The following PRKAR1B variants were observed in gnomAD, a reference collection of about 807,000 sequenced individuals.
PRKAR1B encodes the protein cAMP-dependent protein kinase type I-beta regulatory subunit.
In PRKAR1B, 22 loss-of-function variants were observed where a neutral mutation model predicts 46.5. The observed-to-expected ratio is 0.47, with a 90% CI of 0.34 to 0.68. The LOEUF is 0.68. PRKAR1B is among the 30% of genes least tolerant of loss of function. The pLI is 0.01. For missense variants in PRKAR1B, 445 were observed against 535.6 expected (o/e 0.83, Z 1.67); for synonymous variants, 259 against 217.7 (o/e 1.19, Z -1.67).
Position 680,650 on chromosome 7 carries a change from G to T in PRKAR1B, c.254C>A (p.Thr85Asn), listed in dbSNP as rs770020244. ...SDSHDEEVSP[T>N]PPNPVVKARR... The stretch of plus-strand genomic sequence containing the variant: ...GGCCTTCACCACAGGGTTCGGGGGG[G>T]TGGGCGACACCTCCTCATCATGGGA... Residue 85 changes from threonine to asparagine, a missense_variant, in exon 3 of 11, where the codon ACC (threonine) becomes AAC (asparagine). Transcript: ENST00000537384. 4 of 1,613,220 alleles carry T rather than the reference G, an allele frequency of 2.5e-6. No homozygotes were observed. Among genetic ancestry groups the T allele is most frequent in the Non-Finnish European group, 3.4e-6 (4 of 1,179,812 alleles).
intron 2 of PRKAR1B, among the ~76,000 whole-genome samples, chr7:708,824 C>T (rs1780464345): frequency 6.7e-6 from 1 of 150,052 alleles, no homozygotes; most frequent in African/African-American, 2.5e-5. Context: ...ACGGAGTCTC[C>T]CTCTGTCGCC....
intron 4 of PRKAR1B, among the ~76,000 whole-genome samples, chr7:626,967 C>T (rs1172249705): frequency 2.0e-5 from 3 of 152,222 alleles, no homozygotes; most frequent in East Asian, 1.9e-4. Context: ...CTCCGCCTCC[C>T]GGGTTCAAGC....
intron 1 of PRKAR1B, among the ~76,000 whole-genome samples, chr7:718,801 C>G (rs1454304025): frequency 6.7e-6 from 1 of 149,586 alleles, no homozygotes; most frequent in East Asian, 2.0e-4. Flanking sequence ...GACCTTTTCT[C>G]TTACATACTT....
intron 4 of PRKAR1B, among the ~76,000 whole-genome samples, chr7:659,026 C>T (rs901031908): frequency 2.0e-5 from 3 of 152,106 alleles, no homozygotes; most frequent in African/African-American, 7.2e-5. Context: ...TCTCATGACA[C>T]CAGGCAAATA....
rs534899813 is a variant in PRKAR1B at position 550,066 on chromosome 7, G to T, written c.*364C>A. The T allele has an allele frequency of 4.3e-6, 1 of 233,660 alleles. No homozygotes were observed. The highest frequency in any genetic ancestry group is 2.3e-5 in the African/African-American group (1 of 42,902). 14.5% of individuals were successfully genotyped at this position (233,660 alleles called of 1,614,324 possible). On this transcript the variant is annotated 3_prime_UTR_variant, in exon 11 of 11. Coordinates refer to ENST00000537384, the MANE Select transcript of PRKAR1B (RefSeq NM_001164760.2). ...ACCTCACAGGGTCACCAGGCCCCAGGGGCAACGTCCTGGCCTGGTTCTGGG... is the reference window on the plus strand; with the variant it reads ...ACCTCACAGGGTCACCAGGCCCCAGTGGCAACGTCCTGGCCTGGTTCTGGG...
chr7:638,486 T>G (rs1353813624), intron 4 of PRKAR1B, among the ~76,000 whole-genome samples: 1 of 152,146 alleles, frequency 6.6e-6, no homozygotes, highest in African/African-American at 2.4e-5. Context: ...GGGTCTCTCC[T>G]AGACACATCA....
chr7:563,592 G>A (rs937845504), intron 9 of PRKAR1B, among the ~76,000 whole-genome samples: 2 of 152,082 alleles, frequency 1.3e-5, no homozygotes, highest in African/African-American at 4.8e-5. Context: ...GTGTATGGGT[G>A]TGTTATTGTG....
intron 4 of PRKAR1B, among the ~76,000 whole-genome samples, chr7:630,789 G>A (rs1208041044): frequency 6.6e-6 from 1 of 152,022 alleles, no homozygotes; most frequent in African/African-American, 2.4e-5. Context: ...CCAGTCAGGT[G>A]CAGGGATGGG....
Position 602,941 on chromosome 7 carries a change from G to A in PRKAR1B, c.549+3252C>T, listed in dbSNP as rs138366555. 4.7e-3 allele frequency among the ~76,000 whole-genome samples: 721 copies of A among 152,232 alleles called. 10 individuals are homozygous for A. Among genetic ancestry groups the A allele is most frequent in the African/African-American group, 0.016 (665 of 41,536 alleles). ...TCCCGAGTCCACGCGATCCTGACCC[G>A]TCCACCACCCTCCTCGAGACACGAC... is the stretch of plus-strand genomic sequence containing the variant. On this transcript the variant is annotated intron_variant, in intron 6 of 10. Coordinates refer to ENST00000537384, the MANE Select transcript of PRKAR1B (RefSeq NM_001164760.2). The surrounding 1 kb of genome is among the most constrained non-coding windows in gnomAD (Gnocchi z 6.4).
At chr7:558,359 A>G (rs999534381) in intron 9 of PRKAR1B, among the ~76,000 whole-genome samples, 3 of 149,468 alleles carry the variant, frequency 2.0e-5, no homozygotes, top group African/African-American at 4.9e-5. Context: ...GAAGGAGGAG[A>G]AGGAGGAGGA....
At chr7:720,832 T>C (rs1359975737) in intron 1 of PRKAR1B, among the ~76,000 whole-genome samples, 1 of 152,244 alleles carries the variant, frequency 6.6e-6, no homozygotes, top group Non-Finnish European at 1.5e-5. Context: ...GTGCCTATGT[T>C]ATTATGTTTG....
intron 4 of PRKAR1B, among the ~76,000 whole-genome samples, chr7:649,032 C>T (rs754835047): frequency 9.5e-4 from 145 of 151,870 alleles, no homozygotes; most frequent in Middle Eastern, 6.8e-3. Context: ...GGCATGGTGG[C>T]GGGTACCTGT....
At chr7:637,246 C>T (rs868107933) in intron 4 of PRKAR1B, among the ~76,000 whole-genome samples, 1 of 152,112 alleles carries the variant, frequency 6.6e-6, no homozygotes, top group South Asian at 2.1e-4. Context: ...GGTGAAATCC[C>T]GTCTCTAACT....
intron 7 of PRKAR1B, among the ~76,000 whole-genome samples, chr7:592,679 G>T (rs190880589): frequency 6.6e-6 from 1 of 152,218 alleles, no homozygotes; most frequent in Non-Finnish European, 1.5e-5. Flanking sequence ...GCTTCCAAAC[G>T]CTGAGGTCCT....
intron 9 of PRKAR1B, among the ~76,000 whole-genome samples, chr7:577,304 C>G (rs1779912589): frequency 6.6e-6 from 1 of 152,222 alleles, no homozygotes; most frequent in African/African-American, 2.4e-5. Flanking sequence ...CCTTCTGGAC[C>G]CAAAATGATC....
chr7:627,769 C>A (rs897935700), intron 4 of PRKAR1B, among the ~76,000 whole-genome samples: 1 of 117,390 alleles, frequency 8.5e-6, no homozygotes, highest in African/African-American at 2.9e-5. Flanking sequence ...GGTGAGCACC[C>A]GCCACTCAGG....
chr7:662,484 C>A (rs546331928), intron 4 of PRKAR1B, among the ~76,000 whole-genome samples: 5 of 138,966 alleles, frequency 3.6e-5, no homozygotes, highest in African/African-American at 1.4e-4. Flanking sequence ...AATACCTACT[C>A]TCCCCCCCAT....
chr7:651,409 C>T (rs1038497391), intron 4 of PRKAR1B, among the ~76,000 whole-genome samples: 23 of 152,244 alleles, frequency 1.5e-4, no homozygotes, highest in Non-Finnish European at 3.2e-4. Context: ...AGCTCTTCCA[C>T]GAGGCTTTAG....
At chr7:698,909 C>CGCA (rs915745459) in intron 2 of PRKAR1B, among the ~76,000 whole-genome samples, 1 of 152,212 alleles carries the variant, frequency 6.6e-6, no homozygotes, top group Non-Finnish European at 1.5e-5. Flanking sequence ...CCTCTCCCCA[C>CGCA]GCAGCAGCAG....
Sources: allele counts gnomAD v4.1 joint callset (sites outside exome capture counted in the v4.1 genomes callset), GRCh38; gene constraint gnomAD v4.1.1; non-coding constraint Gnocchi (gnomAD v3.1); transcripts MANE v1.5; gene names NCBI Gene and HGNC (gene_info 2026-07-23, HGNC 2026-07-21).